The following MTX2 variants were observed in gnomAD, a reference collection of about 807,000 sequenced individuals.
MTX2 encodes metaxin-2.
MTX2 carries 35 observed loss-of-function variants against 42.3 expected under a neutral mutation model. The observed-to-expected ratio is 0.83, with a 90% CI of 0.63 to 1.10. The LOEUF is 1.10. Ranked by LOEUF, MTX2 falls within the 50% of genes least tolerant of loss-of-function variation. The pLI is 0.00. For synonymous variants in MTX2, 119 were observed against 100.9 expected (o/e 1.18, Z -1.08); for missense variants, 307 against 304.1 (o/e 1.01, Z -0.07).
At chr2:176,303,631 A>G (rs547995550) in intron 3 of MTX2, among the ~76,000 whole-genome samples, 4 of 152,246 alleles carry the variant, frequency 2.6e-5, no homozygotes, top group African/African-American at 9.6e-5. Context: ...GTGAACTTAA[A>G]TTGCAAATAG....
At chr2:176,331,580 A>G (rs748491276) in intron 9 of MTX2, among the ~76,000 whole-genome samples, 17 of 151,190 alleles carry the variant, frequency 1.1e-4, no homozygotes, top group Non-Finnish European at 2.1e-4. Flanking sequence ...AGTTATATTA[A>G]TCTATAACAC....
chr2:176,334,917 AAC>A (rs1470175538), intron 9 of MTX2, among the ~76,000 whole-genome samples: 2 of 151,974 alleles, frequency 1.3e-5, no homozygotes, highest in African/African-American at 4.8e-5. Flanking sequence ...TGGTTCATTC[AAC>A]ACAAATTTAT....
chr2:176,312,786 C>A (rs1263241432), intron 3 of MTX2, among the ~76,000 whole-genome samples: 1 of 143,904 alleles, frequency 6.9e-6, no homozygotes, highest in Non-Finnish European at 1.5e-5. Flanking sequence ...TCACTTGAAT[C>A]TGGGAGGCGG....
intron 3 of MTX2, among the ~76,000 whole-genome samples, chr2:176,320,649 A>T (rs527532145): frequency 6.6e-6 from 1 of 151,690 alleles, no homozygotes; most frequent in Admixed American, 6.6e-5. Context: ...TCTGACAAAA[A>T]CAGATCTCTC....
intron 3 of MTX2, among the ~76,000 whole-genome samples, chr2:176,315,205 G>A (rs547174316): frequency 2.6e-5 from 4 of 152,266 alleles, no homozygotes; most frequent in African/African-American, 9.6e-5. Context: ...TATCCAAAAA[G>A]TGATAATTAG....
At chr2:176,272,512 CGTT>C (rs1185132916) in intron 1 of MTX2, among the ~76,000 whole-genome samples, 4 of 152,062 alleles carry the variant, frequency 2.6e-5, no homozygotes, top group African/African-American at 9.7e-5. Flanking sequence ...CAAAATATCA[CGTT>C]GTACCTCCTA....
chr2:176,316,599 T>G (rs550529151), intron 3 of MTX2, among the ~76,000 whole-genome samples: 19 of 152,138 alleles, frequency 1.2e-4, no homozygotes, highest in African/African-American at 4.6e-4. Flanking sequence ...GACGGGATTT[T>G]GCCGTGTTGC....
chr2:176,303,427 C>G (rs1340091620), intron 3 of MTX2, among the ~76,000 whole-genome samples: 1 of 151,856 alleles, frequency 6.6e-6, no homozygotes, highest in Non-Finnish European at 1.5e-5. Context: ...TTGTAAAGTC[C>G]TTTTCAGTAT....
intron 1 of MTX2, chr2:176,270,133 G>T: frequency 3.5e-6 from 1 of 286,642 alleles, no homozygotes; most frequent in Non-Finnish European, 6.8e-6. Flanking sequence ...GTCTCCCAGC[G>T]ACACAGTAGT....
chr2:176,330,094 G>T (rs886867231), intron 8 of MTX2, among the ~76,000 whole-genome samples: 1 of 150,958 alleles, frequency 6.6e-6, no homozygotes, highest in East Asian at 1.9e-4. Context: ...AATGAATAGG[G>T]ATAGAATAAA....
intron 3 of MTX2, among the ~76,000 whole-genome samples, chr2:176,308,626 G>A (rs988103368): frequency 6.6e-6 from 1 of 152,138 alleles, no homozygotes; most frequent in Non-Finnish European, 1.5e-5. Context: ...TTGGGAGGGT[G>A]TATGTGTCCA....
intron 3 of MTX2, among the ~76,000 whole-genome samples, chr2:176,301,500 C>T (rs1684022318): frequency 6.6e-6 from 1 of 152,024 alleles, no homozygotes; most frequent in Non-Finnish European, 1.5e-5. Flanking sequence ...ACACAGCTAC[C>T]CTATGAGGTA....
intron 3 of MTX2, among the ~76,000 whole-genome samples, chr2:176,312,728 T>C (rs1466127379): frequency 6.6e-6 from 1 of 151,684 alleles, no homozygotes; most frequent in Non-Finnish European, 1.5e-5. Context: ...CCAGGGGTGG[T>C]GGCGCATGCC....
chr2:176,305,651 C>G (rs1291259959), intron 3 of MTX2, among the ~76,000 whole-genome samples: 1 of 152,044 alleles, frequency 6.6e-6, no homozygotes, highest in Non-Finnish European at 1.5e-5. Flanking sequence ...TTATATCTTT[C>G]TCTATTCTAA....
chr2:176,323,580 A>G, intron 4 of MTX2, 116 bp downstream of exon 4: 1 of 934,654 alleles, frequency 1.1e-6, no homozygotes, highest in Non-Finnish European at 1.6e-6. Flanking sequence ...CCCTTTGAAG[A>G]ATCTTTCCAT....
At chr2:176,298,731 A>T (rs1683952439) in intron 3 of MTX2, among the ~76,000 whole-genome samples, 1 of 152,176 alleles carries the variant, frequency 6.6e-6, no homozygotes, top group Non-Finnish European at 1.5e-5. Flanking sequence ...CCAATGTAAA[A>T]GTAAATGATT....
At chr2:176,313,388 C>CTTTTTTTTTTTTT (rs1207416607) in intron 3 of MTX2, among the ~76,000 whole-genome samples, 6 of 103,510 alleles carry the variant, frequency 5.8e-5, no homozygotes, top group African/African-American at 2.4e-4. Context: ...TACACTGATT[C>CTTTTTTTTTTTTT]TTTTTTTTTT....
chr2:176,309,242 C>T (rs1313733837), intron 3 of MTX2, among the ~76,000 whole-genome samples: 1 of 152,208 alleles, frequency 6.6e-6, no homozygotes, highest in African/African-American at 2.4e-5. Context: ...TTTGATTGCA[C>T]TGTGGTCTGA....
intron 3 of MTX2, among the ~76,000 whole-genome samples, chr2:176,302,110 GT>G: frequency 6.8e-6 from 1 of 147,686 alleles, no homozygotes; most frequent in East Asian, 2.0e-4. Context: ...TGTGAAGCCA[GT>G]TTTAAAAAGC....
Sources: allele counts gnomAD v4.1 joint callset (sites outside exome capture counted in the v4.1 genomes callset), GRCh38; gene constraint gnomAD v4.1.1; transcripts MANE v1.5; gene names NCBI Gene and HGNC (gene_info 2026-07-23, HGNC 2026-07-21).